TSHZ2: variants seen among roughly 807,000 people sequenced by gnomAD.
TSHZ2 encodes teashirt homolog 2.
Under a neutral mutation model 74.4 loss-of-function variants are expected in TSHZ2, and 21 were observed. The ratio of observed to expected loss-of-function variants is 0.28; its 90% CI spans 0.20 to 0.41. The LOEUF (loss-of-function observed/expected upper bound fraction) is 0.41, where lower values mean the gene tolerates loss of function less well. Ranked by LOEUF, TSHZ2 falls within the 10% of genes least tolerant of loss-of-function variation. The pLI is 1.00. For missense variants in TSHZ2, 1,244 were observed against 1,293.5 expected (o/e 0.96, Z 0.59); for synonymous variants, 540 against 515.3 (o/e 1.05, Z -0.65).
At chr20:53,230,923 A>G (rs1989811322) in intron 1 of TSHZ2, among the ~76,000 whole-genome samples, 1 of 152,162 alleles carries the variant, frequency 6.6e-6, no homozygotes, top group Non-Finnish European at 1.5e-5. Context: ...TCAAGTTCCT[A>G]AAAACAGCCC....
At chr20:53,050,628 G>A (rs1984426884) in intron 1 of TSHZ2, among the ~76,000 whole-genome samples, 1 of 152,222 alleles carries the variant, frequency 6.6e-6, no homozygotes, top group South Asian at 2.1e-4. Flanking sequence ...AGACGATGGA[G>A]AAAGTTGAGT....
rs756735462 is a variant in TSHZ2, at chr20:53,253,581, A to T, written c.123A>T (p.Gln41His). 1.1e-5 allele frequency: 17 copies of T among 1,614,112 alleles called. No individual in the cohort carries two copies. The highest frequency in any genetic ancestry group is 5.0e-5 in the Admixed American group (3 of 60,008). Residue 41 changes from glutamine (Q) to histidine (H), a missense_variant, in exon 2 of 3, where the codon CAA (glutamine) becomes CAT (histidine). Gln to His is a conservative substitution (Grantham distance 24). Coordinates refer to ENST00000371497, the MANE Select transcript of TSHZ2 (RefSeq NM_173485.6). ...EEEEDSGSVA[Q>H]LQGGNDTGTD... ...AGGAGGACAGCGGTTCAGTAGCTCA[A>T]CTGCAGGGTGGCAATGACACAGGGA...
At chr20:53,463,519 A>T (rs1206407923) in intron 2 of TSHZ2, among the ~76,000 whole-genome samples, 1 of 152,108 alleles carries the variant, frequency 6.6e-6, no homozygotes, top group Non-Finnish European at 1.5e-5. Context: ...GGAATGTCGT[A>T]GAATTATAGA....
Position 53,037,902 on chromosome 20 carries a change from C to T in TSHZ2, c.40+64569C>T, listed in dbSNP as rs528369546. 5.0e-4 allele frequency among the ~76,000 whole-genome samples: 76 copies of T among 152,072 alleles called. 2 individuals are homozygous for T. In the South Asian group the frequency reaches 0.015, roughly 31 times the overall value. ...ACAGGGGCCTGTGTGCAGAGCAGGG[C>T]GAGTCTGCCAGGACAGAATGCCTGG... On this transcript the variant is annotated intron_variant, in intron 1 of 2. Coordinates refer to ENST00000371497, the MANE Select transcript of TSHZ2 (RefSeq NM_173485.6).
At chr20:53,284,819 A>G (rs951185202) in intron 2 of TSHZ2, among the ~76,000 whole-genome samples, 1 of 151,984 alleles carries the variant, frequency 6.6e-6, no homozygotes, top group African/African-American at 2.4e-5. Context: ...TCTTTCAGTA[A>G]AACGATTAAT....
At chr20:53,040,782 C>T (rs1471069791) in intron 1 of TSHZ2, among the ~76,000 whole-genome samples, 1 of 152,180 alleles carries the variant, frequency 6.6e-6, no homozygotes, top group Non-Finnish European at 1.5e-5. Context: ...TGTCTTCCAG[C>T]TGATCCCACA....
At chr20:53,346,571 C>T (rs1332869812) in intron 2 of TSHZ2, among the ~76,000 whole-genome samples, 5 of 152,124 alleles carry the variant, frequency 3.3e-5, no homozygotes, top group Non-Finnish European at 5.9e-5. Flanking sequence ...TAGGGCTATT[C>T]GAAGGAAGCT....
At chr20:53,357,878 G>T (rs1271750274) in intron 2 of TSHZ2, among the ~76,000 whole-genome samples, 1 of 152,156 alleles carries the variant, frequency 6.6e-6, no homozygotes, top group Non-Finnish European at 1.5e-5. Context: ...TATTCTTAGA[G>T]TGAGCAACTG....
At chr20:53,204,960 G>A (rs1989129411) in intron 1 of TSHZ2, among the ~76,000 whole-genome samples, 1 of 151,726 alleles carries the variant, frequency 6.6e-6, no homozygotes, top group Non-Finnish European at 1.5e-5. Context: ...GGCGCCATGT[G>A]TGCACCTGTA....
Position 52,980,424 on chromosome 20 carries a change from G to GAA in TSHZ2, c.40+7092_40+7093dup, listed in dbSNP as rs1205437592. On this transcript the variant is annotated intron_variant, in intron 1 of 2. Transcript: ENST00000371497. ...CACTGCTAGACACTAAGGTGGGTTT[G>GAA]AAGAAAAAAAAAAAAAGGCCAGCAT... is the stretch of plus-strand genomic sequence containing the variant. Among the ~76,000 whole-genome samples, 895 of 143,846 alleles carry GAA rather than the reference G, an allele frequency of 6.2e-3. 12 individuals are homozygous for GAA. Among genetic ancestry groups the GAA allele is most frequent in the African/African-American group, 0.023 (854 of 37,104 alleles). 94.4% of individuals were successfully genotyped at this position (143,846 alleles called of 152,430 possible).
intron 2 of TSHZ2, among the ~76,000 whole-genome samples, chr20:53,382,100 C>A (rs1011688447): frequency 1.2e-4 from 19 of 152,328 alleles, no homozygotes; most frequent in African/African-American, 1.4e-4. Flanking sequence ...GCCCCTCAAA[C>A]TTACCTGCGG....
intron 1 of TSHZ2, among the ~76,000 whole-genome samples, chr20:53,187,415 C>T (rs896431495): frequency 6.6e-5 from 10 of 152,146 alleles, no homozygotes; most frequent in African/African-American, 2.4e-4. Context: ...TAAAGCAAAC[C>T]GGTGTCTCGA....
chr20:53,001,205 C>CGTGT (rs558621179), intron 1 of TSHZ2, among the ~76,000 whole-genome samples: 4,807 of 93,952 alleles, frequency 0.051, 101 homozygotes, highest in South Asian at 0.12. Flanking sequence ...CGTTCATGTG[C>CGTGT]GTGTGTGTGT....
At chr20:53,393,508 A>C (rs1600603641) in intron 2 of TSHZ2, among the ~76,000 whole-genome samples, 1 of 152,346 alleles carries the variant, frequency 6.6e-6, no homozygotes, top group East Asian at 1.9e-4. Flanking sequence ...TAATGCACAT[A>C]AAACAGCCAG....
chr20:53,082,056 AT>A (rs1176171427), intron 1 of TSHZ2, among the ~76,000 whole-genome samples: 1 of 152,052 alleles, frequency 6.6e-6, no homozygotes, highest in African/African-American at 2.4e-5. Context: ...TATTTGTGTA[AT>A]TTCGTCACTC....
intron 1 of TSHZ2, among the ~76,000 whole-genome samples, chr20:53,026,610 C>T (rs1408436234): frequency 1.3e-5 from 2 of 152,168 alleles, no homozygotes; most frequent in African/African-American, 2.4e-5. Flanking sequence ...TTTATTGTGG[C>T]ATGCTTAGTA....
chr20:53,406,757 T>C (rs753613188), intron 2 of TSHZ2, among the ~76,000 whole-genome samples: 5 of 152,118 alleles, frequency 3.3e-5, no homozygotes, highest in Non-Finnish European at 5.9e-5. Context: ...GAAAGGTGTA[T>C]TGGCAAAAAC....
At chr20:53,396,332 T>A (rs1257985595) in intron 2 of TSHZ2, among the ~76,000 whole-genome samples, 1 of 152,202 alleles carries the variant, frequency 6.6e-6, no homozygotes, top group Non-Finnish European at 1.5e-5. Flanking sequence ...GCTGTTGACA[T>A]ATACCATGTA....
intron 2 of TSHZ2, among the ~76,000 whole-genome samples, chr20:53,447,362 T>G (rs1984594208): frequency 6.6e-6 from 1 of 152,252 alleles, no homozygotes; most frequent in South Asian, 2.1e-4. Flanking sequence ...TTGCTCTCCC[T>G]TCCCTTTTTT....
Sources: allele counts gnomAD v4.1 joint callset (sites outside exome capture counted in the v4.1 genomes callset), GRCh38; gene constraint gnomAD v4.1.1; transcripts MANE v1.5; gene names NCBI Gene and HGNC (gene_info 2026-07-23, HGNC 2026-07-21).